CEP192: variants seen among roughly 807,000 people sequenced by gnomAD.
CEP192 encodes the protein centrosomal protein 192.
CEP192 carries 151 observed loss-of-function variants against 271.8 expected under a neutral mutation model. The ratio of observed to expected loss-of-function variants is 0.56; its 90% confidence interval spans 0.49 to 0.64. The LOEUF is 0.64. CEP192 is among the 30% of genes least tolerant of loss of function. The probability of loss-of-function intolerance (pLI) is 0.00; values close to 1 mark genes in which losing one functional copy is unlikely to be tolerated. For synonymous variants in CEP192, 995 were observed against 1,076.5 expected, an observed-to-expected ratio of 0.92 and a Z score of 1.48; for missense variants, 2,910 against 3,020.5, an observed-to-expected ratio of 0.96 and a Z score of 0.86.
In CEP192 at chr18:13,003,287, A is replaced by C. The variant is rs1412071626; in HGVS notation, c.290+1705A>C. Among the ~76,000 whole-genome samples, 5 of 151,960 alleles carry C rather than the reference A, an allele frequency of 3.3e-5. No individual in the cohort carries two copies. In the South Asian group the frequency reaches 8.3e-4, roughly 25 times the overall value. On this transcript the variant is annotated intron_variant, in intron 3 of 44. Coordinates refer to ENST00000506447, the MANE Select transcript of CEP192 (RefSeq NM_032142.4). ...AACATGGTGAAATCCCATCTCTACC[A>C]AAAACACAAAAATTAGCCAAGCATA... is the stretch of plus-strand genomic sequence containing the variant.
At chr18:13,090,673 G>A (rs146669279) in intron 33 of CEP192, among the ~76,000 whole-genome samples, 1 of 152,176 alleles carries the variant, frequency 6.6e-6, no homozygotes, top group Admixed American at 6.5e-5. Flanking sequence ...GACTTCAAAT[G>A]GACTTGTCAG....
Position 13,089,481 on chromosome 18 carries a change from A to G in CEP192, c.6019A>G (p.Ile2007Val). The change falls in exon 33 of 45, where the codon ATA becomes GTA. Residue 2007 changes from isoleucine to valine, a missense_variant. Ile to Val is a conservative substitution (Grantham distance 29, BLOSUM62 3). Transcript: ENST00000506447. The part of the protein sequence containing the change: ...RRALLHKPEM[I>V]KQILPEHSVL... ...GGCCCTGTTACATAAACCAGAGATG[A>G]TAAAACAGATACTTCCAGAACATAG... The G allele has an allele frequency of 6.2e-7, 1 of 1,602,472 alleles. No homozygotes were observed. The highest frequency in any genetic ancestry group is 8.5e-7 in the Non-Finnish European group (1 of 1,173,174).
chr18:13,113,879 C>T lies in CEP192; in HGVS notation c.7167+174C>T, dbSNP rs146968657. On this transcript the variant is annotated intron_variant, in intron 41 of 44. Transcript: ENST00000506447. ...ACTGGATTTGGCTGTATTGTTCATA[C>T]AGCCCATGAAACCCATGTTTGACTT... 2.8e-3 allele frequency among the ~76,000 whole-genome samples: 430 copies of T among 152,248 alleles called. 3 individuals carry two copies. The highest frequency in any genetic ancestry group is 0.01 in the African/African-American group (417 of 41,558).
intron 4 of CEP192, among the ~76,000 whole-genome samples, chr18:13,010,459 G>A (rs943880455): frequency 3.9e-5 from 6 of 151,962 alleles, no homozygotes; most frequent in Non-Finnish European, 8.8e-5. Context: ...GAAAAGAGTG[G>A]TATTATCACT....
chr18:13,115,499 G>C (rs2040388224), intron 42 of CEP192, among the ~76,000 whole-genome samples: 1 of 152,172 alleles, frequency 6.6e-6, no homozygotes. Flanking sequence ...GGAAGCCAGG[G>C]AGTGACATGA....
intron 30 of CEP192, among the ~76,000 whole-genome samples, chr18:13,075,936 A>G (rs576756229): frequency 6.6e-6 from 1 of 152,282 alleles, no homozygotes; most frequent in East Asian, 1.9e-4. Flanking sequence ...AGCTCTGTGT[A>G]TTGTCATCTG....
intron 34 of CEP192, 87 bp downstream of exon 34, chr18:13,092,614 T>A (rs1164626309): frequency 1.1e-6 from 1 of 909,244 alleles, no homozygotes; most frequent in Non-Finnish European, 1.7e-6. Context: ...TACTTCACTA[T>A]TATTATTATT....
At chr18:13,024,202 G>T (rs1467140644) in intron 9 of CEP192, 1 of 397,762 alleles carries the variant, frequency 2.5e-6, no homozygotes. Context: ...GGATGGTTAT[G>T]TCTTCCTAGA....
Position 13,096,268 on chromosome 18 carries a change from G to A in CEP192, c.6518G>A (p.Cys2173Tyr). ...LRFELCWPAH[C>Y]LTVTPQHGCV... is the part of the protein sequence containing the mutation. ...TTTGAGCTGTGCTGGCCAGCGCATT[G>A]CCTCACAGTCACGCCGCAGCATGGA... Residue 2173 changes from cysteine to tyrosine, a missense_variant, in exon 36 of 45, where the codon TGC becomes TAC. Transcript: ENST00000506447. 1 of 1,614,034 alleles carries A rather than the reference G, an allele frequency of 6.2e-7. No individual in the cohort carries two copies. Among genetic ancestry groups the A allele is most frequent in the Non-Finnish European group, 8.5e-7 (1 of 1,179,876 alleles).
chr18:13,071,248 A>G (rs959478766), intron 28 of CEP192, 36 bp downstream of exon 28: 5 of 1,562,072 alleles, frequency 3.2e-6, no homozygotes, highest in Admixed American at 1.8e-5. Context: ...TCCACTATTT[A>G]TACATATTTT....
chr18:13,007,501 GTTTA>G (rs1459110671), intron 3 of CEP192, among the ~76,000 whole-genome samples: 4 of 152,098 alleles, frequency 2.6e-5, no homozygotes, highest in African/African-American at 9.7e-5. Context: ...GTCCTGACTT[GTTTA>G]TTTATTTCCT....
intron 30 of CEP192, among the ~76,000 whole-genome samples, chr18:13,076,275 G>A (rs959422255): frequency 2.0e-5 from 3 of 151,946 alleles, no homozygotes; most frequent in Admixed American, 1.3e-4. Flanking sequence ...ATCGCCAGGC[G>A]GGAGTGCAGT....
At chr18:13,036,469 C>T (rs2035924643) in intron 11 of CEP192, among the ~76,000 whole-genome samples, 1 of 152,214 alleles carries the variant, frequency 6.6e-6, no homozygotes, top group South Asian at 2.1e-4. Context: ...TCCAACCCTG[C>T]AGTGCCAGGC....
Position 13,047,185 on chromosome 18 carries a change from TG to T in CEP192, c.2068-1672del, listed in dbSNP as rs544749841. Among the ~76,000 whole-genome samples the T allele has an allele frequency of 4.9e-4, 74 of 152,318 alleles. No homozygotes were observed. In the South Asian group the frequency reaches 0.011, roughly 22 times the overall value. On this transcript the variant is annotated intron_variant, in intron 15 of 44. Transcript: ENST00000506447. ...GCTTCTGACAGGGAGCAAGGAACACTGGCAATTGCAGATCACTTTCATTCGT... is the reference window on the plus strand; with the variant it reads ...GCTTCTGACAGGGAGCAAGGAACACTGCAATTGCAGATCACTTTCATTCGT...
In CEP192 at chr18:13,087,660, C is replaced by T. The variant is rs1475306661; in HGVS notation, c.5993+14C>T. On this transcript the variant is annotated intron_variant, in intron 32 of 44. Coordinates refer to ENST00000506447, the MANE Select transcript of CEP192 (RefSeq NM_032142.4). Reference sequence around the variant, plus strand: ...GCAGTATCGCAGGTAGATTACTTATCTTACACAATGTTGGGAACCATTCAG... The same window carrying T: ...GCAGTATCGCAGGTAGATTACTTATTTTACACAATGTTGGGAACCATTCAG... 7.5e-7 allele frequency: 1 copy of T among 1,325,582 alleles called. No individual in the cohort carries two copies. Among genetic ancestry groups the T allele is most frequent in the Non-Finnish European group, 1.0e-6 (1 of 953,042 alleles). The allele number at this position is 1,325,582 out of a possible 1,614,324, so 82.1% of individuals were successfully genotyped here. A position where few individuals can be genotyped will look rare whatever the true frequency, so the allele number is the denominator to read the frequency against.
intron 9 of CEP192, among the ~76,000 whole-genome samples, chr18:13,025,765 T>C (rs1375534722): frequency 3.9e-5 from 6 of 152,168 alleles, no homozygotes; most frequent in Admixed American, 3.9e-4. Context: ...TTCATTTCAC[T>C]TACATATAAG....
chr18:13,002,348 A>G (rs2033705779), intron 3 of CEP192, among the ~76,000 whole-genome samples: 1 of 152,140 alleles, frequency 6.6e-6, no homozygotes, highest in Admixed American at 6.5e-5. Context: ...ATGCAGTATT[A>G]TGTTCAGTTT....
intron 4 of CEP192, among the ~76,000 whole-genome samples, chr18:13,010,062 G>C (rs2145883403): frequency 6.6e-6 from 1 of 152,158 alleles, no homozygotes; most frequent in East Asian, 1.9e-4. Flanking sequence ...GGGAGGCTGA[G>C]GTGGGATTGC....
chr18:13,121,666 C>A (rs1210771547), intron 44 of CEP192, among the ~76,000 whole-genome samples: 1 of 151,966 alleles, frequency 6.6e-6, no homozygotes. Flanking sequence ...CTACTTAGTC[C>A]CCAAAAGCAT....
Sources: allele counts gnomAD v4.1 joint callset (sites outside exome capture counted in the v4.1 genomes callset), GRCh38; gene constraint gnomAD v4.1.1; transcripts MANE v1.5; gene names NCBI Gene and HGNC (gene_info 2026-07-23, HGNC 2026-07-21).